EFR3A: variants seen among roughly 807,000 people sequenced by gnomAD.
EFR3A encodes the protein protein EFR3 homolog A.
A neutral mutation model predicts 104.4 loss-of-function variants in EFR3A; 76 were observed. The ratio of observed to expected loss-of-function variants is 0.73; its 90% CI spans 0.60 to 0.88. The LOEUF (loss-of-function observed/expected upper bound fraction) is 0.88, where lower values mean the gene tolerates loss of function less well. EFR3A is among the 40% of genes least tolerant of loss of function. The probability of loss-of-function intolerance (pLI) is 0.00; values close to 1 mark genes in which losing one functional copy is unlikely to be tolerated. For missense variants in EFR3A, 985 were observed against 1,012.5 expected (o/e 0.97, Z 0.37); for synonymous variants, 330 against 330.0 (o/e 1.00, Z 0.00).
intron 10 of EFR3A, among the ~76,000 whole-genome samples, chr8:131,972,336 G>T (rs754827204): frequency 4.0e-5 from 6 of 151,118 alleles, no homozygotes; most frequent in Non-Finnish European, 5.9e-5. Context: ...CCCAGCCCTG[G>T]AATCAGTCAT....
At chr8:132,004,825 G>A (rs915685373) in intron 22 of EFR3A, among the ~76,000 whole-genome samples, 2 of 152,156 alleles carry the variant, frequency 1.3e-5, no homozygotes, top group Non-Finnish European at 2.9e-5. Context: ...AGGGCATACA[G>A]CTAATGAGTG....
intron 19 of EFR3A, 98 bp downstream of exon 19, chr8:131,996,595 T>A: frequency 1.6e-6 from 1 of 607,910 alleles, no homozygotes. Flanking sequence ...GAAATACAAC[T>A]CTAAATTATC....
chr8:131,912,193 G>C (rs546610534), intron 1 of EFR3A, among the ~76,000 whole-genome samples: 1 of 152,244 alleles, frequency 6.6e-6, no homozygotes, highest in African/African-American at 2.4e-5. Flanking sequence ...GCTAGATAAT[G>C]GTGTGGTACT....
chr8:131,984,356 C>G, intron 15 of EFR3A, 56 bp downstream of exon 15: 1 of 1,403,424 alleles, frequency 7.1e-7, no homozygotes, highest in Non-Finnish European at 9.4e-7. Context: ...CAGACAACAT[C>G]TTTGAAATGT....
rs143728782 is a variant in EFR3A, at chr8:131,991,737, G to A, written c.2065+4035G>A. On this transcript the variant is annotated intron_variant, in intron 18 of 22. Transcript: ENST00000254624. Reference sequence around the variant, plus strand: ...CCTGAGGAGAGGCCATGTTGGGAAGGAACGTAAAGCTCCAAAGCCGAAAGT... The same window carrying A: ...CCTGAGGAGAGGCCATGTTGGGAAGAAACGTAAAGCTCCAAAGCCGAAAGT... 8.7e-3 allele frequency among the ~76,000 whole-genome samples: 1,318 copies of A among 152,256 alleles called. 8 individuals carry two copies. Among genetic ancestry groups the A allele is most frequent in the Non-Finnish European group, 0.013 (895 of 68,012 alleles).
Position 131,924,148 on chromosome 8 carries a change from T to A in EFR3A, c.11-16351T>A, listed in dbSNP as rs550945102. ...TGAGAACTAAGGACCAATGTAGAGA[T>A]CATTTATTACCAGAGTATGATTATT... On this transcript the variant is annotated intron_variant, in intron 1 of 22. Transcript: ENST00000254624. 332 of 436,806 alleles carry A rather than the reference T, an allele frequency of 7.6e-4. 2 individuals carry two copies. Among genetic ancestry groups the A allele is most frequent in the African/African-American group, 6.3e-3 (309 of 49,142 alleles). The allele number at this position is 436,806 out of a possible 1,614,324, so 27.1% of individuals were successfully genotyped here. A position where few individuals can be genotyped will look rare whatever the true frequency, so the allele number is the denominator to read the frequency against.
intron 1 of EFR3A, among the ~76,000 whole-genome samples, chr8:131,922,237 G>A (rs532518326): frequency 6.6e-6 from 1 of 152,128 alleles, no homozygotes; most frequent in Non-Finnish European, 1.5e-5. Flanking sequence ...CCCTAATCCA[G>A]TATGACCTCA....
intron 1 of EFR3A, among the ~76,000 whole-genome samples, chr8:131,913,801 G>T (rs1198087102): frequency 5.9e-5 from 9 of 152,134 alleles, no homozygotes; most frequent in African/African-American, 2.2e-4. Flanking sequence ...CTGATGAGCC[G>T]AGTGAAGTGT....
At chr8:132,010,210 C>T (rs578192442) in intron 22 of EFR3A, among the ~76,000 whole-genome samples, 23 of 151,482 alleles carry the variant, frequency 1.5e-4, no homozygotes, top group South Asian at 8.3e-4. Context: ...GCTGGTATTC[C>T]GGCAATATGT....
At position 131,968,351 on chromosome 8, in the gene EFR3A, A is replaced by C; in HGVS notation, c.912A>C (p.Lys304Asn). The change falls in exon 9 of 23, where the codon AAA becomes AAC. Residue 304 changes from lysine to asparagine, a missense_variant. Lys to Asn is a moderately conservative substitution (Grantham distance 94, BLOSUM62 0). Coordinates refer to ENST00000254624, the MANE Select transcript of EFR3A (RefSeq NM_015137.6). Reference sequence around the variant, plus strand: ...TTCTAGGACACCTTGATGCTCGTAAAAAAGATGCTCCCCGGGTTCGAGCAG... The same window carrying C: ...TTCTAGGACACCTTGATGCTCGTAACAAAGATGCTCCCCGGGTTCGAGCAG... ...QEILGHLDAR[K>N]KDAPRVRAGI... The C allele has an allele frequency of 6.2e-7, 1 of 1,613,606 alleles. No individual in the cohort carries two copies. Among genetic ancestry groups the C allele is most frequent in the East Asian group, 2.2e-5 (1 of 44,864 alleles).
rs189255619 is a variant in EFR3A, at chr8:131,963,626, G to A, written c.855+3963G>A. On this transcript the variant is annotated intron_variant, in intron 8 of 22. Coordinates refer to ENST00000254624, the MANE Select transcript of EFR3A (RefSeq NM_015137.6). ...TCCAGGACCAGGTGGATTCACAGCC[G>A]ATTTCTACCAGAGGTACAAGGAGGA... Among the ~76,000 whole-genome samples, 1,087 of 152,218 alleles carry A rather than the reference G, an allele frequency of 7.1e-3. 4 individuals are homozygous for A. Among genetic ancestry groups the A allele is most frequent in the Middle Eastern group, 0.017 (5 of 294 alleles).
At chr8:131,970,366 T>G in intron 9 of EFR3A, 110 bp from the exon 10 acceptor site, 1 of 1,013,734 alleles carries the variant, frequency 9.9e-7, no homozygotes, top group South Asian at 1.6e-5. Flanking sequence ...TACTATGGAT[T>G]TCTGACTATT....
At chr8:131,937,476 C>T (rs1262717766) in intron 1 of EFR3A, among the ~76,000 whole-genome samples, 9 of 152,046 alleles carry the variant, frequency 5.9e-5, no homozygotes, top group Non-Finnish European at 1.3e-4. Context: ...ATTCTATTTT[C>T]CCAAAGTTAT....
chr8:131,937,993 G>A (rs1001731331), intron 1 of EFR3A, among the ~76,000 whole-genome samples: 2 of 151,998 alleles, frequency 1.3e-5, no homozygotes, highest in South Asian at 2.1e-4. Flanking sequence ...AGCAATATAA[G>A]TACTTTAATA....
intron 10 of EFR3A, among the ~76,000 whole-genome samples, chr8:131,974,771 A>C (rs1820237675): frequency 6.6e-6 from 1 of 152,330 alleles, no homozygotes; most frequent in East Asian, 1.9e-4. Flanking sequence ...TTTGACTGCT[A>C]ATGTACGTGA....
chr8:131,947,377 G>A (rs896624031), intron 4 of EFR3A, among the ~76,000 whole-genome samples: 8 of 151,776 alleles, frequency 5.3e-5, no homozygotes, highest in African/African-American at 1.7e-4. Flanking sequence ...TTATTGTTGA[G>A]TTGTAAAAGT....
chr8:131,976,087 G>A lies in EFR3A; in HGVS notation c.1220G>A (p.Gly407Glu). The change falls in exon 11 of 23, where the codon GGG becomes GAG. Residue 407 changes from glycine to glutamate, a missense_variant. By Grantham distance (98) the Gly-to-Glu change is moderately conservative (BLOSUM62 -2). Coordinates refer to ENST00000254624, the MANE Select transcript of EFR3A (RefSeq NM_015137.6). ...TCAGAAATCATGATGTTCATTATGGGGAAAGTACCTGTCTTTGGAACATCT... is the reference window on the plus strand; with the variant it reads ...TCAGAAATCATGATGTTCATTATGGAGAAAGTACCTGTCTTTGGAACATCT... ...QRSEIMMFIM[G>E]KVPVFGTSTH... 3 of 1,607,070 alleles carry A rather than the reference G, an allele frequency of 1.9e-6. No individual in the cohort carries two copies. The highest frequency in any genetic ancestry group is 2.6e-6 in the Non-Finnish European group (3 of 1,176,324).
At chr8:131,936,482 C>T (rs1361273330) in intron 1 of EFR3A, among the ~76,000 whole-genome samples, 4 of 151,902 alleles carry the variant, frequency 2.6e-5, no homozygotes, top group Non-Finnish European at 4.4e-5. Context: ...CCTCCCTCCG[C>T]CCCCCTCCCC....
chr8:131,907,710 A>G (rs955117491), intron 1 of EFR3A, among the ~76,000 whole-genome samples: 3 of 152,182 alleles, frequency 2.0e-5, no homozygotes, highest in African/African-American at 7.2e-5. Context: ...AACTTGACCT[A>G]CACTTTCATA....
Sources: gnomAD v4.1 joint callset for allele counts (sites outside exome capture counted in the v4.1 genomes callset) on GRCh38, gnomAD v4.1.1 for gene constraint, MANE v1.5 for transcripts, NCBI Gene and HGNC (gene_info 2026-07-23, HGNC 2026-07-21) for gene names.